HNRNPA3: variants seen among roughly 807,000 people sequenced by gnomAD.
HNRNPA3 encodes epididymis secretory sperm binding protein.
HNRNPA3 carries 3 observed loss-of-function variants against 45.8 expected under a neutral mutation model. That is an observed-to-expected ratio of 0.07 (90% CI 0.03 to 0.17). HNRNPA3 has a LOEUF of 0.17. HNRNPA3 is among the 10% of genes least tolerant of loss of function. HNRNPA3 has a pLI of 1.00. For synonymous variants in HNRNPA3, 170 were observed against 155.6 expected (o/e 1.09, Z -0.69); for missense variants, 183 against 480.3 (o/e 0.38, Z 5.79).
intron 4 of HNRNPA3, 31 bp from the exon 5 acceptor site, chr2:177,216,470 CTT>C (rs752044239): frequency 2.4e-5 from 36 of 1,500,806 alleles, no homozygotes; most frequent in Middle Eastern, 1.7e-4. Context: ...CATAAAATAA[CTT>C]TTTGTTTTGT....
At chr2:177,218,935 A>T in intron 8 of HNRNPA3, 102 bp from the exon 9 acceptor site, 7 of 1,413,010 alleles carry the variant, frequency 5.0e-6, no homozygotes, top group Non-Finnish European at 6.8e-6. Context: ...TGATGTGTAT[A>T]AGCATGCTAC....
chr2:177,218,521 C>T (rs947965706), intron 8 of HNRNPA3, among the ~76,000 whole-genome samples: 14 of 152,296 alleles, frequency 9.2e-5, no homozygotes, highest in African/African-American at 3.4e-4. Context: ...TGTTTGAATA[C>T]TCCAGACGTG....
chr2:177,213,379 C>T (rs1412348530), intron 1 of HNRNPA3, among the ~76,000 whole-genome samples: 1 of 152,236 alleles, frequency 6.6e-6, no homozygotes, highest in Non-Finnish European at 1.5e-5. Flanking sequence ...CGGAGGCGGC[C>T]CGGCAGAAAA....
chr2:177,216,199 A>T lies in HNRNPA3; in HGVS notation c.553+11A>T. The T allele has an allele frequency of 6.6e-7, 1 of 1,510,026 alleles. No individual in the cohort carries two copies. Among genetic ancestry groups the T allele is most frequent in the Non-Finnish European group, 9.0e-7 (1 of 1,106,166 alleles). 93.5% of individuals were successfully genotyped at this position (1,510,026 alleles called of 1,614,324 possible). A position where few individuals can be genotyped will look rare whatever the true frequency, so the allele number is the denominator to read the frequency against. Reference sequence around the variant, plus strand: ...TTGATAAAATTGTTGGTAAGTAGCAATTTATGGTAACTTGAATGAGAAAGT... The same window carrying T: ...TTGATAAAATTGTTGGTAAGTAGCATTTTATGGTAACTTGAATGAGAAAGT... On this transcript the variant is annotated intron_variant, in intron 4 of 10. Transcript: ENST00000392524.
At chr2:177,222,740 G>A (rs1388461460), downstream of HNRNPA3, 1 of 152,590 alleles carries the variant, frequency 6.6e-6, no homozygotes, top group Non-Finnish European at 1.5e-5. Flanking sequence ...GCAGTGAGCT[G>A]ACTGCCCCAC....
chr2:177,212,899 G>T, intron 1 of HNRNPA3, 28 bp downstream of exon 1: 3 of 1,388,724 alleles, frequency 2.2e-6, no homozygotes, highest in Non-Finnish European at 2.9e-6. Context: ...GGGGGTTGGT[G>T]GGGAATGGCC....
chr2:177,218,989 AATG>A (rs1689078167), intron 8 of HNRNPA3, 45 bp from the exon 9 acceptor site: 2 of 1,602,078 alleles, frequency 1.2e-6, no homozygotes, highest in South Asian at 1.1e-5. Context: ...AAAAGGGGAA[AATG>A]ATGATTGTGT....
exon 10 of HNRNPA3, chr2:177,219,275 T>C: frequency 6.2e-7 from 1 of 1,613,746 alleles, no homozygotes; most frequent in Non-Finnish European, 8.5e-7. Context: ...GTGGAAGTGG[T>C]GGATATGGTA....
chr2:177,223,470 C>G (rs1689277420), downstream of HNRNPA3: 1 of 151,382 alleles, frequency 6.6e-6, no homozygotes, highest in Non-Finnish European at 1.5e-5. Flanking sequence ...TTGTAAGTTA[C>G]TGCTTCTAAT....
intron 1 of HNRNPA3, 46 bp from the exon 2 acceptor site, chr2:177,215,493 T>A: frequency 6.3e-7 from 1 of 1,593,548 alleles, no homozygotes; most frequent in Non-Finnish European, 8.6e-7. Context: ...TGCATCTTAA[T>A]TCATCTACTG....
Position 177,217,864 on chromosome 2 carries a change from T to G in HNRNPA3, c.961+19T>G, listed in dbSNP as rs200195377. 6.5e-7 allele frequency: 1 copy of G among 1,540,686 alleles called. No individual in the cohort carries two copies. The highest frequency in any genetic ancestry group is 8.7e-7 in the Non-Finnish European group (1 of 1,146,438). ...GGCGGTGGTAAGCATTCACTTGTTT[T>G]ATTTAAATGTTAAATATTCAGTGTT... On this transcript the variant is annotated intron_variant, in intron 8 of 10. Coordinates refer to ENST00000392524, the Ensembl canonical transcript of HNRNPA3.
At chr2:177,223,803 T>C (rs551713097), downstream of HNRNPA3, 2 of 152,248 alleles carry the variant, frequency 1.3e-5, no homozygotes, top group Non-Finnish European at 2.9e-5. Context: ...ATTTGTAGTA[T>C]AATGAAATGT....
intron 1 of HNRNPA3, among the ~76,000 whole-genome samples, chr2:177,214,744 G>C (rs972444391): frequency 6.6e-6 from 1 of 152,204 alleles, no homozygotes; most frequent in African/African-American, 2.4e-5. Flanking sequence ...GCAGTGAGCC[G>C]AGATCGCGCC....
chr2:177,218,645 A>G (rs1029773957), intron 8 of HNRNPA3, among the ~76,000 whole-genome samples: 4 of 152,218 alleles, frequency 2.6e-5, no homozygotes, highest in African/African-American at 9.6e-5. Flanking sequence ...GTAGGTCATT[A>G]AGCCACAATA....
chr2:177,216,913 G>A (rs1410988317), exon 7 of HNRNPA3: 1 of 1,583,164 alleles, frequency 6.3e-7, no homozygotes, highest in Non-Finnish European at 8.6e-7. Flanking sequence ...AGGAGGTGAT[G>A]GTGGATATAA....
chr2:177,221,343 T>C (rs571780842), downstream of HNRNPA3: 2 of 152,602 alleles, frequency 1.3e-5, no homozygotes, highest in South Asian at 2.1e-4. Context: ...TCAAGTTCTT[T>C]TATTCATATA....
intron 8 of HNRNPA3, 80 bp downstream of exon 8, chr2:177,217,925 T>G: frequency 7.5e-7 from 1 of 1,332,886 alleles, no homozygotes; most frequent in Non-Finnish European, 1.0e-6. Flanking sequence ...TGGAAAGTGT[T>G]AAAAGCGTTT....
At chr2:177,215,430 TCA>T in intron 1 of HNRNPA3, 107 bp from the exon 2 acceptor site, 1 of 1,137,772 alleles carries the variant, frequency 8.8e-7, no homozygotes, top group Non-Finnish European at 1.3e-6. Flanking sequence ...GTGTTAACTG[TCA>T]CAGGAATTTG....
At chr2:177,216,795 C>G in intron 6 of HNRNPA3, 24 bp downstream of exon 6, 1 of 1,613,800 alleles carries the variant, frequency 6.2e-7, no homozygotes. Flanking sequence ...CTTCTAAGTA[C>G]ATGGATACCT....
Sources: allele counts gnomAD v4.1 joint callset (sites outside exome capture counted in the v4.1 genomes callset), GRCh38; gene constraint gnomAD v4.1.1; transcripts MANE v1.5; gene names NCBI Gene and HGNC (gene_info 2026-07-23, HGNC 2026-07-21).